The following MINDY1 variants were observed in gnomAD, a reference collection of about 807,000 sequenced individuals.
MINDY1 encodes MINDY lysine 48 deubiquitinase 1.
In MINDY1, 50 loss-of-function variants were observed where a neutral mutation model predicts 53.6. That is an observed-to-expected ratio of 0.93 (90% CI 0.74 to 1.18). MINDY1 has a LOEUF of 1.18. MINDY1 is among the 50% of genes most tolerant of loss of function. MINDY1 has a pLI of 0.00. For synonymous variants in MINDY1, 231 were observed against 234.7 expected (o/e 0.98, Z 0.14); for missense variants, 484 against 578.6 (o/e 0.84, Z 1.68).
chr1:150,998,676 A>T (rs1672167196), intron 7 of MINDY1, among the ~76,000 whole-genome samples: 1 of 152,086 alleles, frequency 6.6e-6, no homozygotes, highest in South Asian at 2.1e-4. Flanking sequence ...CGGACCTTTT[A>T]CAAATATGTG....
At chr1:151,005,256 G>A (rs1376112804) in intron 1 of MINDY1, among the ~76,000 whole-genome samples, 2 of 151,784 alleles carry the variant, frequency 1.3e-5, no homozygotes, top group South Asian at 2.1e-4. Context: ...GCTCAAGATC[G>A]GCCTGGCTAA....
intron 1 of MINDY1, among the ~76,000 whole-genome samples, chr1:151,004,458 G>A (rs978989218): frequency 3.3e-5 from 5 of 152,098 alleles, no homozygotes; most frequent in South Asian, 2.1e-4. Context: ...GGCCAGGCGC[G>A]GTGGCTCACG....
rs951769719 is a variant in MINDY1 at position 151,006,468 on chromosome 1, C to T, written c.-246G>A. The T allele has an allele frequency of 8.0e-6, 9 of 1,126,750 alleles. No homozygotes were observed. Among genetic ancestry groups the T allele is most frequent in the Middle Eastern group, 4.0e-4 (1 of 2,514 alleles). 69.8% of individuals were successfully genotyped at this position (1,126,750 alleles called of 1,614,324 possible). ...CAGGTTTACACAGCTTTATAAGCGACGGTCCAGGCTGGGTTGTGGCCACTT... is the reference window on the plus strand; with the variant it reads ...CAGGTTTACACAGCTTTATAAGCGATGGTCCAGGCTGGGTTGTGGCCACTT... On this transcript the variant is annotated 5_prime_UTR_variant, in exon 1 of 10. Transcript: ENST00000683666.
Position 151,002,903 on chromosome 1 carries a change from T to A in MINDY1, c.-89-197A>T. 1 of 1,377,970 alleles carries A rather than the reference T, an allele frequency of 7.3e-7. No individual in the cohort carries two copies. Among genetic ancestry groups the A allele is most frequent in the Non-Finnish European group, 9.4e-7 (1 of 1,067,456 alleles). 85.4% of individuals were successfully genotyped at this position (1,377,970 alleles called of 1,614,324 possible). On this transcript the variant is annotated intron_variant, in intron 1 of 9. Transcript: ENST00000683666. The surrounding 1 kb of genome is among the most constrained non-coding windows in gnomAD (Gnocchi z 4.1). ...GCTGTGACCAGATGAGACCAAGAGG[T>A]CGTGGGGCTTCCAGACTTGGGAGGG... is the stretch of plus-strand genomic sequence containing the variant.
In MINDY1 at chr1:151,001,472, C is replaced by T. The variant is rs137990315; in HGVS notation, c.512-158G>A. Among the ~76,000 whole-genome samples, 357 of 152,290 alleles carry T rather than the reference C, an allele frequency of 2.3e-3. 1 individual carries two copies. Among genetic ancestry groups the T allele is most frequent in the Middle Eastern group, 6.8e-3 (2 of 294 alleles). The stretch of plus-strand genomic sequence containing the variant: ...CAGACTCTTCATTTCTCAGAGGAGG[C>T]GACAGCCTCATAAAGGTGAACGGCC... On this transcript the variant is annotated intron_variant, in intron 3 of 9. Coordinates refer to ENST00000683666, the MANE Select transcript of MINDY1 (RefSeq NM_001376665.1).
At position 151,001,775 on chromosome 1, in the gene MINDY1, A is replaced by G; in HGVS notation, c.461T>C (p.Leu154Pro). ...TGTGATCACTTCCTTCTGCGGGGGG[A>G]GCTTCACCTGGAGGCAGAAGGGGTG... ...NILFLQWKVK[L>P]PPQKEVITSD... Residue 154 changes from leucine (L) to proline (P), a missense_variant, in exon 3 of 10, where the codon CTC (leucine) becomes CCC (proline). Transcript: ENST00000683666. The G allele has an allele frequency of 6.3e-7, 1 of 1,596,238 alleles. No individual in the cohort carries two copies. The highest frequency in any genetic ancestry group is 1.1e-5 in the South Asian group (1 of 88,320).
chr1:151,006,985 T>C (rs1673303100), upstream of MINDY1: 1 of 735,668 alleles, frequency 1.4e-6, no homozygotes, highest in Non-Finnish European at 1.7e-6. Context: ...ATCTGGGCTC[T>C]CTCTCTGGGT....
chr1:150,997,001 C>T lies in MINDY1; in HGVS notation c.*286G>A. ...AGAGATGCATTCTGGATAGGGACCTCACCCCAGAGCCTCAGTCTGTACATA... is the reference window on the plus strand; with the variant it reads ...AGAGATGCATTCTGGATAGGGACCTTACCCCAGAGCCTCAGTCTGTACATA... On this transcript the variant is annotated 3_prime_UTR_variant, in exon 10 of 10. Transcript: ENST00000683666. 2.2e-6 allele frequency: 1 copy of T among 451,484 alleles called. No individual in the cohort carries two copies. The highest frequency in any genetic ancestry group is 3.7e-5 in the East Asian group (1 of 26,774). 28.0% of individuals were successfully genotyped at this position (451,484 alleles called of 1,614,324 possible).
chr1:151,000,607 A>T lies in MINDY1; in HGVS notation c.585T>A (p.Asp195Glu). The T allele has an allele frequency of 6.2e-7, 1 of 1,609,848 alleles. No individual in the cohort carries two copies. Among genetic ancestry groups the T allele is most frequent in the Non-Finnish European group, 8.5e-7 (1 of 1,178,594 alleles). Residue 195 changes from aspartate (D) to glutamate (E), a missense_variant, in exon 5 of 10, where the codon GAT becomes GAA. Asp to Glu is a conservative substitution (Grantham distance 45, BLOSUM62 2). Transcript: ENST00000683666. Reference protein sequence around the residue: ...GLQLNFQQNVDDAMTVLPKLA... With the variant: ...GLQLNFQQNVEDAMTVLPKLA... ...GTTTAGGCAGCACTGTCATTGCATCATCCACATTCTGGGGGTAGAAAAAAA... is the reference window on the plus strand; with the variant it reads ...GTTTAGGCAGCACTGTCATTGCATCTTCCACATTCTGGGGGTAGAAAAAAA...
chr1:150,996,985 T>A lies in MINDY1; in HGVS notation c.*302A>T, dbSNP rs1274846902. ...AGGGATGGGAAGCAGAAGAGATGCA[T>A]TCTGGATAGGGACCTCACCCCAGAG... On this transcript the variant is annotated 3_prime_UTR_variant, in exon 10 of 10. Transcript: ENST00000683666. 1 of 394,556 alleles carries A rather than the reference T, an allele frequency of 2.5e-6. No individual in the cohort carries two copies. Among genetic ancestry groups the A allele is most frequent in the African/African-American group, 2.0e-5 (1 of 49,464 alleles). The allele number at this position is 394,556 out of a possible 1,614,324, so 24.4% of individuals were successfully genotyped here.
chr1:151,005,762 G>T (rs1274318818), intron 1 of MINDY1, among the ~76,000 whole-genome samples: 1 of 152,048 alleles, frequency 6.6e-6, no homozygotes, highest in Non-Finnish European at 1.5e-5. Flanking sequence ...ATGAGGGAGA[G>T]GATAGTCAGA....
At position 150,997,644 on chromosome 1, in the gene MINDY1, T is replaced by A; in HGVS notation, c.1309A>T (p.Thr437Ser). 1 of 1,610,448 alleles carries A rather than the reference T, an allele frequency of 6.2e-7. No individual in the cohort carries two copies. The highest frequency in any genetic ancestry group is 8.5e-7 in the Non-Finnish European group (1 of 1,180,026). The part of the protein sequence containing the change: ...QQAAQPVRMR[T>S]RVLSLQGRGA... ...CCCACCTGCAGTGACAGGACCCGCG[T>A]CCGCATCCGCACTGGCTGCGCTGCC... is the stretch of plus-strand genomic sequence containing the variant. Residue 437 changes from threonine to serine, a missense_variant, in exon 9 of 10, where the codon ACG (threonine) becomes TCG (serine). Physicochemically the swap from Thr to Ser is moderately conservative, Grantham distance 58. Transcript: ENST00000683666.
At chr1:150,998,017 G>T (rs1192851516) in intron 8 of MINDY1, 65 bp downstream of exon 8, 2 of 1,496,552 alleles carry the variant, frequency 1.3e-6, no homozygotes, top group Non-Finnish European at 1.8e-6. Context: ...CAGTTAAAAT[G>T]TATGCAGTAA....
chr1:151,006,569 C>T lies in MINDY1; in HGVS notation c.-347G>A, dbSNP rs756485973. On this transcript the variant is annotated 5_prime_UTR_variant, in exon 1 of 10. Transcript: ENST00000683666. Reference sequence around the variant, plus strand: ...GGGACACAGCCAAGGTGCTCCAGGTCGCTCAGAGAGTCTTCAGGATTCCTG... The same window carrying T: ...GGGACACAGCCAAGGTGCTCCAGGTTGCTCAGAGAGTCTTCAGGATTCCTG... The T allele has an allele frequency of 1.6e-4, 162 of 996,236 alleles. No homozygotes were observed. The highest frequency in any genetic ancestry group is 1.9e-4 in the Non-Finnish European group (159 of 837,178). 61.7% of individuals were successfully genotyped at this position (996,236 alleles called of 1,614,324 possible).
chr1:151,007,288 A>G (rs1468382485), upstream of MINDY1, among the ~76,000 whole-genome samples: 1 of 152,156 alleles, frequency 6.6e-6, no homozygotes, highest in Non-Finnish European at 1.5e-5. Context: ...GGCGGATCAC[A>G]AGGTCAAGAG....
In MINDY1 at chr1:151,002,728, A is replaced by G; in HGVS notation, c.-89-22T>C. ...TGACCTGTCCAATAAGAAGGAAATCAGTGGGCTGGAAAGCAAACTAACCCA... is the reference window on the plus strand; with the variant it reads ...TGACCTGTCCAATAAGAAGGAAATCGGTGGGCTGGAAAGCAAACTAACCCA... On this transcript the variant is annotated intron_variant, in intron 1 of 9. Transcript: ENST00000683666. The surrounding 1 kb of genome is among the most constrained non-coding windows in gnomAD (Gnocchi z 4.1). 6.5e-7 allele frequency: 1 copy of G among 1,550,178 alleles called. No individual in the cohort carries two copies. The highest frequency in any genetic ancestry group is 1.2e-5 in the South Asian group (1 of 84,852).
chr1:151,000,904 G>C (rs1672488764), intron 4 of MINDY1, among the ~76,000 whole-genome samples: 1 of 151,956 alleles, frequency 6.6e-6, no homozygotes, highest in East Asian at 1.9e-4. Flanking sequence ...TCAGCCTCCT[G>C]AGTAGCTGGG....
intron 1 of MINDY1, among the ~76,000 whole-genome samples, chr1:151,003,988 C>A (rs1210448378): frequency 1.3e-5 from 2 of 151,598 alleles, no homozygotes; most frequent in East Asian, 3.9e-4. Flanking sequence ...AATGGTGCGA[C>A]CTCGGCTCAC....
At position 151,002,904 on chromosome 1, in the gene MINDY1, C is replaced by T. The variant is rs754957467; in HGVS notation, c.-89-198G>A. 81 of 1,372,018 alleles carry T rather than the reference C, an allele frequency of 5.9e-5. No homozygotes were observed. The highest frequency in any genetic ancestry group is 7.1e-5 in the Non-Finnish European group (76 of 1,064,078). 85.0% of individuals were successfully genotyped at this position (1,372,018 alleles called of 1,614,324 possible). A position where few individuals can be genotyped will look rare whatever the true frequency, so the allele number is the denominator to read the frequency against. ...CTGTGACCAGATGAGACCAAGAGGT[C>T]GTGGGGCTTCCAGACTTGGGAGGGA... On this transcript the variant is annotated intron_variant, in intron 1 of 9. Transcript: ENST00000683666. This position sits in a 1 kb window ranked among gnomAD's most constrained non-coding sequence, Gnocchi z 4.1.
Sources: allele counts gnomAD v4.1 joint callset (sites outside exome capture counted in the v4.1 genomes callset), GRCh38; gene constraint gnomAD v4.1.1; non-coding constraint Gnocchi (gnomAD v3.1); transcripts MANE v1.5; gene names NCBI Gene and HGNC (gene_info 2026-07-23, HGNC 2026-07-21).